Variants in IARS1 observed in about 807,000 individuals in gnomAD.
IARS1 encodes isoleucyl-tRNA synthetase 1.
A neutral mutation model predicts 168.2 loss-of-function variants in IARS1; 124 were observed. The ratio of observed to expected loss-of-function variants is 0.74; its 90% confidence interval spans 0.64 to 0.86. IARS1 has a LOEUF of 0.86. IARS1 is among the 40% of genes least tolerant of loss of function. The pLI is 0.00. For synonymous variants in IARS1, 532 were observed against 529.4 expected, an observed-to-expected ratio of 1.00 and a Z score of -0.07; for missense variants, 1,452 against 1,515.8, an observed-to-expected ratio of 0.96 and a Z score of 0.70.
At chr9:92,277,158 T>G (rs1474671234) in intron 9 of IARS1, among the ~76,000 whole-genome samples, 1 of 152,166 alleles carries the variant, frequency 6.6e-6, no homozygotes, top group Admixed American at 6.5e-5. Context: ...AAATGATTCC[T>G]CATACAATTT....
In IARS1 at chr9:92,287,903, T is replaced by A. The variant is rs1835702942; in HGVS notation, c.284A>T (p.Glu95Val). 9 of 1,613,692 alleles carry A rather than the reference T, an allele frequency of 5.6e-6. No individual in the cohort carries two copies. The highest frequency in any genetic ancestry group is 1.7e-5 in the Admixed American group (1 of 59,918). Residue 95 changes from glutamate (E) to valine (V), a missense_variant, in exon 4 of 34, where the codon GAA (glutamate) becomes GTA (valine). Glu to Val is a moderately radical substitution (Grantham distance 121). Coordinates refer to ENST00000443024, the MANE Select transcript of IARS1 (RefSeq NM_002161.6). ...TCTGATTCCCAGTGTCTTATCAATT[T>A]CATATTCCTGAAAATTTGTGATAAG... is the stretch of plus-strand genomic sequence containing the variant. ...WDCHGLPVEY[E>V]IDKTLGIRGP... is the part of the protein sequence containing the mutation.
chr9:92,230,604 C>T (rs1826516564), intron 30 of IARS1, among the ~76,000 whole-genome samples: 1 of 152,144 alleles, frequency 6.6e-6, no homozygotes, highest in Non-Finnish European at 1.5e-5. Context: ...TGGTGGTGAA[C>T]ATAGTTTTCA....
intron 31 of IARS1, among the ~76,000 whole-genome samples, chr9:92,227,142 G>A (rs1342211009): frequency 2.2e-5 from 3 of 137,000 alleles, no homozygotes; most frequent in East Asian, 4.1e-4. Context: ...AGATCAACAG[G>A]ATCCCAAGGC....
At chr9:92,248,406 C>T (rs561700396) in intron 25 of IARS1, among the ~76,000 whole-genome samples, 87 of 152,062 alleles carry the variant, frequency 5.7e-4, no homozygotes, top group Non-Finnish European at 5.7e-4. Flanking sequence ...GGTGTGGTGG[C>T]GCAAACTTGT....
chr9:92,287,670 A>G, intron 4 of IARS1, 121 bp downstream of exon 4: 1 of 1,083,068 alleles, frequency 9.2e-7, no homozygotes, highest in African/African-American at 1.6e-5. Context: ...TGAAGGTGGA[A>G]GCTAACACTT....
chr9:92,284,153 G>A lies in IARS1; in HGVS notation c.597+1569C>T, dbSNP rs1835073058. On this transcript the variant is annotated intron_variant, in intron 6 of 33. Transcript: ENST00000443024. Reference sequence around the variant, plus strand: ...GATCGTGCCACTGCACTCTAGCCTGGGTGACATAGCGAGATCCTATCTCAA... The same window carrying A: ...GATCGTGCCACTGCACTCTAGCCTGAGTGACATAGCGAGATCCTATCTCAA... Among the ~76,000 whole-genome samples the A allele has an allele frequency of 1.3e-5, 2 of 152,108 alleles. 1 individual carries two copies. Among genetic ancestry groups the A allele is most frequent in the South Asian group, 4.1e-4 (2 of 4,834 alleles).
rs753678164 is a variant in IARS1 at position 92,247,497 on chromosome 9, G to A, written c.2671C>T (p.Arg891Trp). The change falls in exon 26 of 34, where the codon CGG becomes TGG. Residue 891 changes from arginine (R) to tryptophan (W), a missense_variant. Physicochemically the swap from Arg to Trp is moderately radical, Grantham distance 101. Coordinates refer to ENST00000443024, the MANE Select transcript of IARS1 (RefSeq NM_002161.6). Reference sequence around the variant, plus strand: ...ATGTGATCTGGTTCTGCCCTTAGCCGAATGCCATACTTGTTTTTATCTGTA... The same window carrying A: ...ATGTGATCTGGTTCTGCCCTTAGCCAAATGCCATACTTGTTTTTATCTGTA... ...LSTDKNKYGI[R>W]LRAEPDHMVL... 8.1e-6 allele frequency: 13 copies of A among 1,614,064 alleles called. No homozygotes were observed. Among genetic ancestry groups the A allele is most frequent in the South Asian group, 6.6e-5 (6 of 91,072 alleles).
intron 19 of IARS1, 120 bp from the exon 20 acceptor site, chr9:92,256,920 A>C (rs745828377): frequency 2.7e-5 from 24 of 880,008 alleles, no homozygotes; most frequent in Middle Eastern, 3.5e-4. Context: ...CCTACTGGCA[A>C]TGTGAATTTC....
chr9:92,248,819 T>C (rs1304961444), intron 25 of IARS1, among the ~76,000 whole-genome samples: 1 of 152,140 alleles, frequency 6.6e-6, no homozygotes, highest in East Asian at 1.9e-4. Context: ...ATTTTAAATA[T>C]CACCTGTGAA....
At chr9:92,230,306 T>C (rs1826465896) in intron 30 of IARS1, among the ~76,000 whole-genome samples, 1 of 151,978 alleles carries the variant, frequency 6.6e-6, no homozygotes, top group Non-Finnish European at 1.5e-5. Context: ...AGAGACGGGG[T>C]TTCACCATGT....
intron 29 of IARS1, among the ~76,000 whole-genome samples, chr9:92,241,941 A>T (rs1828472362): frequency 6.6e-6 from 1 of 152,204 alleles, no homozygotes; most frequent in Non-Finnish European, 1.5e-5. Context: ...CTTCCTCAAG[A>T]GAACTGTTGT....
chr9:92,222,456 G>A, intron 33 of IARS1, 64 bp downstream of exon 33: 1 of 1,382,722 alleles, frequency 7.2e-7, no homozygotes. Flanking sequence ...TGCTACAAAT[G>A]GTTAATGGCA....
intron 29 of IARS1, 57 bp downstream of exon 29, chr9:92,242,097 A>G (rs1828505034): frequency 2.2e-6 from 3 of 1,381,408 alleles, no homozygotes; most frequent in South Asian, 2.5e-5. Context: ...GTGAGTACAC[A>G]AAGTCAAACC....
At position 92,274,525 on chromosome 9, in the gene IARS1, G is replaced by GA; in HGVS notation, c.895-5dup. 6.2e-7 allele frequency: 1 copy of GA among 1,601,332 alleles called. No individual in the cohort carries two copies. The highest frequency in any genetic ancestry group is 8.6e-7 in the Non-Finnish European group (1 of 1,168,600). ...TGAAAGCGCCATTCTCTTTACACTG[G>GA]AAAGAAAGGACAGCAGGCTTCAGGG... is the stretch of plus-strand genomic sequence containing the variant. On this transcript the variant is annotated splice_region_variant and splice_polypyrimidine_tract_variant and intron_variant, in intron 9 of 33. Coordinates refer to ENST00000443024, the MANE Select transcript of IARS1 (RefSeq NM_002161.6).
intron 26 of IARS1, among the ~76,000 whole-genome samples, chr9:92,246,773 TGCTGGGATTACAGATGTGAGCC>T (rs1323432505): frequency 4.6e-5 from 7 of 152,140 alleles, no homozygotes; most frequent in Non-Finnish European, 7.4e-5. Flanking sequence ...CCTCCCAAAA[TGCTGGGATTACAGATGTGAGCC>T]GCTGGGATTA....
At chr9:92,293,375 T>G in intron 1 of IARS1, 1 of 452,840 alleles carries the variant, frequency 2.2e-6, no homozygotes, top group African/African-American at 2.1e-5. Context: ...ATACATAAAG[T>G]CACAGCTATA....
chr9:92,242,634 A>C (rs1179031522), intron 28 of IARS1: 1 of 290,024 alleles, frequency 3.4e-6, no homozygotes, highest in African/African-American at 2.2e-5. Flanking sequence ...ACTGATTCAG[A>C]GGTCACAAGC....
intron 18 of IARS1, among the ~76,000 whole-genome samples, chr9:92,259,789 G>T (rs1831255071): frequency 6.6e-6 from 1 of 152,090 alleles, no homozygotes; most frequent in South Asian, 2.1e-4. Context: ...ACATGGCTCT[G>T]TAAGTACAAA....
chr9:92,285,712 T>C lies in IARS1; in HGVS notation c.597+10A>G. 1 of 1,520,632 alleles carries C rather than the reference T, an allele frequency of 6.6e-7. No individual in the cohort carries two copies. Among genetic ancestry groups the C allele is most frequent in the Non-Finnish European group, 9.1e-7 (1 of 1,094,662 alleles). The allele number at this position is 1,520,632 out of a possible 1,614,324, so 94.2% of individuals were successfully genotyped here. A position where few individuals can be genotyped will look rare whatever the true frequency, so the allele number is the denominator to read the frequency against. On this transcript the variant is annotated intron_variant, in intron 6 of 33. Transcript: ENST00000443024. ...CTCAATGCTGAATAATGTCTCTACA[T>C]TTCACGTACCTTATAATTCTGGTGT... is the stretch of plus-strand genomic sequence containing the variant.
Sources: gnomAD v4.1 joint callset for allele counts (sites outside exome capture counted in the v4.1 genomes callset) on GRCh38, gnomAD v4.1.1 for gene constraint, MANE v1.5 for transcripts, NCBI Gene and HGNC (gene_info 2026-07-23, HGNC 2026-07-21) for gene names.